Variants in ABRAXAS2 observed in about 807,000 individuals in gnomAD.
ABRAXAS2 encodes BRISC complex subunit Abraxas 2.
Under a neutral mutation model 49.0 loss-of-function variants are expected in ABRAXAS2, and 23 were observed. The observed-to-expected ratio is 0.47, with a 90% CI of 0.34 to 0.66. ABRAXAS2 has a LOEUF of 0.66. Ranked by LOEUF, ABRAXAS2 falls within the 30% of genes least tolerant of loss-of-function variation. ABRAXAS2 has a pLI of 0.01. For synonymous variants in ABRAXAS2, 168 were observed against 180.2 expected, an observed-to-expected ratio of 0.93 and a Z score of 0.54; for missense variants, 443 against 511.9, an observed-to-expected ratio of 0.87 and a Z score of 1.30.
At chr10:124,830,873 A>G (rs1439251527) in intron 7 of ABRAXAS2, among the ~76,000 whole-genome samples, 2 of 152,270 alleles carry the variant, frequency 1.3e-5, no homozygotes, top group African/African-American at 4.8e-5. Flanking sequence ...ATGTAGTCTC[A>G]GATAGCTATC....
chr10:124,830,139 C>T (rs1291045441), intron 7 of ABRAXAS2, among the ~76,000 whole-genome samples: 3 of 152,082 alleles, frequency 2.0e-5, no homozygotes, highest in Non-Finnish European at 4.4e-5. Flanking sequence ...CTGGAGAAAG[C>T]CTGACTTTAA....
chr10:124,806,804 G>C (rs1489137071), intron 1 of ABRAXAS2, 27 bp from the exon 2 acceptor site: 1 of 1,406,644 alleles, frequency 7.1e-7, no homozygotes, highest in Admixed American at 1.9e-5. Flanking sequence ...TTTTTAGTCT[G>C]CAATTATTTT....
At chr10:124,808,105 A>G (rs1950759908) in intron 2 of ABRAXAS2, among the ~76,000 whole-genome samples, 1 of 152,138 alleles carries the variant, frequency 6.6e-6, no homozygotes, top group Non-Finnish European at 1.5e-5. Flanking sequence ...GGTACACTTC[A>G]GGCAGATCAC....
intron 1 of ABRAXAS2, among the ~76,000 whole-genome samples, chr10:124,805,370 C>T (rs971815648): frequency 6.6e-6 from 1 of 151,324 alleles, no homozygotes; most frequent in Non-Finnish European, 1.5e-5. Context: ...GTCTGTCTTT[C>T]CCCACTCCCA....
intron 7 of ABRAXAS2, among the ~76,000 whole-genome samples, chr10:124,830,325 G>A (rs1950923994): frequency 6.6e-6 from 1 of 152,148 alleles, no homozygotes. Flanking sequence ...TGCACCTGTA[G>A]TCCTCAGCTA....
chr10:124,807,996 G>A (rs1950758861), intron 2 of ABRAXAS2, among the ~76,000 whole-genome samples: 1 of 152,152 alleles, frequency 6.6e-6, no homozygotes, highest in South Asian at 2.1e-4. Context: ...CACTTCGGAG[G>A]AGATATCTGG....
chr10:124,807,331 A>AG (rs1950752248), intron 2 of ABRAXAS2, among the ~76,000 whole-genome samples: 1 of 148,448 alleles, frequency 6.7e-6, no homozygotes, highest in African/African-American at 2.5e-5. Context: ...AAAAAAAAAA[A>AG]AAAAGAATTC....
chr10:124,834,558 T>A lies in ABRAXAS2; in HGVS notation c.835T>A (p.Phe279Ile). The change falls in exon 9 of 9, where the codon TTC (phenylalanine) becomes ATC (isoleucine). Residue 279 changes from phenylalanine (F) to isoleucine (I), a missense_variant. By Grantham distance (21) the Phe-to-Ile change is conservative. Transcript: ENST00000298492. The stretch of plus-strand genomic sequence containing the variant: ...GCCGTCTGAAAGCTTGGACCCAGCG[T>A]TCAGTCCTCGGATGCCGTCCTCTGG... ...QMPSESLDPA[F>I]SPRMPSSGFA... 2.5e-6 allele frequency: 4 copies of A among 1,614,188 alleles called. No homozygotes were observed. Among genetic ancestry groups the A allele is most frequent in the Non-Finnish European group, 3.4e-6 (4 of 1,180,026 alleles).
At chr10:124,831,589 G>C (rs973482950) in intron 8 of ABRAXAS2, 126 bp downstream of exon 8, 16 of 540,924 alleles carry the variant, frequency 3.0e-5, no homozygotes, top group Middle Eastern at 4.8e-4. Flanking sequence ...CCTGGCTGGG[G>C]CAGAGCAGTC....
rs1950968241 is a variant in ABRAXAS2 at position 124,836,335 on chromosome 10, A to ATG, written c.*1364_*1365insTG. On this transcript the variant is annotated 3_prime_UTR_variant, in exon 9 of 9. Transcript: ENST00000298492. ...ATTAGACAGTATCATATAGACGGAA[A>ATG]ATGAAATGCTAGAACTGCCGTTCTT... is the stretch of plus-strand genomic sequence containing the variant. 1 of 152,236 alleles carries ATG rather than the reference A, an allele frequency of 6.6e-6. No homozygotes were observed. Among genetic ancestry groups the ATG allele is most frequent in the Non-Finnish European group, 1.5e-5 (1 of 68,054 alleles). 9.4% of individuals were successfully genotyped at this position (152,236 alleles called of 1,614,324 possible).
chr10:124,825,751 G>T (rs981747018), intron 4 of ABRAXAS2, among the ~76,000 whole-genome samples: 6 of 152,188 alleles, frequency 3.9e-5, no homozygotes, highest in African/African-American at 1.4e-4. Context: ...TTCTAATAAA[G>T]AATTAAATGT....
chr10:124,834,042 C>A (rs577831180), intron 8 of ABRAXAS2, among the ~76,000 whole-genome samples: 2 of 152,202 alleles, frequency 1.3e-5, no homozygotes, highest in East Asian at 3.9e-4. Flanking sequence ...TAGGAGGCTG[C>A]CAAAGAAAGA....
chr10:124,810,200 C>T (rs1950777938), intron 2 of ABRAXAS2, among the ~76,000 whole-genome samples: 1 of 152,278 alleles, frequency 6.6e-6, no homozygotes, highest in South Asian at 2.1e-4. Context: ...AACTATAAAA[C>T]CCACTCACCA....
intron 4 of ABRAXAS2, among the ~76,000 whole-genome samples, chr10:124,822,233 G>T (rs1950866242): frequency 6.6e-6 from 1 of 152,154 alleles, no homozygotes; most frequent in Admixed American, 6.6e-5. Context: ...AAGAAGGAGA[G>T]AGGTTTTCAT....
At chr10:124,816,371 C>T (rs1484196954) in intron 2 of ABRAXAS2, among the ~76,000 whole-genome samples, 1 of 152,030 alleles carries the variant, frequency 6.6e-6, no homozygotes, top group African/African-American at 2.4e-5. Context: ...AGAAATAGAA[C>T]TTTCATTCTG....
chr10:124,820,008 T>TG (rs1386025869), intron 4 of ABRAXAS2, among the ~76,000 whole-genome samples: 2 of 152,220 alleles, frequency 1.3e-5, no homozygotes, highest in African/African-American at 4.8e-5. Flanking sequence ...TTTTTTACCT[T>TG]GGGATATTAA....
chr10:124,809,181 T>C (rs1288242587), intron 2 of ABRAXAS2, among the ~76,000 whole-genome samples: 2 of 152,210 alleles, frequency 1.3e-5, no homozygotes, highest in Non-Finnish European at 2.9e-5. Context: ...GAAGAAATAC[T>C]GTTGGCAAGT....
At position 124,834,514 on chromosome 10, in the gene ABRAXAS2, C is replaced by T. The variant is rs867972530; in HGVS notation, c.791C>T (p.Ala264Val). Residue 264 changes from alanine to valine, a missense_variant, in exon 9 of 9, where the codon GCA becomes GTA. By Grantham distance (64) the Ala-to-Val change is moderately conservative. Coordinates refer to ENST00000298492, the MANE Select transcript of ABRAXAS2 (RefSeq NM_032182.4). ...EKEQERRLQQAVLSRQMPSES... is the reference protein window; with the variant it reads ...EKEQERRLQQVVLSRQMPSES... ...TGTTTTCATCCAGGATTGCAGCAGGCAGTGTTAAGCAGACAGATGCCGTCT... is the reference window on the plus strand; with the variant it reads ...TGTTTTCATCCAGGATTGCAGCAGGTAGTGTTAAGCAGACAGATGCCGTCT... 2 of 1,611,884 alleles carry T rather than the reference C, an allele frequency of 1.2e-6. No individual in the cohort carries two copies. The highest frequency in any genetic ancestry group is 2.7e-5 in the African/African-American group (2 of 74,928).
intron 1 of ABRAXAS2, among the ~76,000 whole-genome samples, chr10:124,804,643 T>C (rs941448364): frequency 1.3e-5 from 2 of 151,658 alleles, no homozygotes; most frequent in Non-Finnish European, 2.9e-5. Context: ...CTCAAATTAG[T>C]AGTCATGGAC....
Sources: allele counts gnomAD v4.1 joint callset (sites outside exome capture counted in the v4.1 genomes callset), GRCh38; gene constraint gnomAD v4.1.1; transcripts MANE v1.5; gene names NCBI Gene and HGNC (gene_info 2026-07-23, HGNC 2026-07-21).